Variants in GK observed in about 807,000 individuals in gnomAD.
The protein encoded by GK is ATP:glycerol 3-phosphotransferase.
GK carries 9 observed loss-of-function variants against 56.4 expected under a neutral mutation model. That is an observed-to-expected ratio of 0.16 (90% CI 0.10 to 0.28). The LOEUF is 0.28. Among genes scored for constraint, GK ranks in the 10% least tolerant of loss-of-function variants. GK has a pLI of 1.00. For synonymous variants in GK, 104 were observed against 144.1 expected (o/e 0.72, Z 1.99); for missense variants, 161 against 431.4 (o/e 0.37, Z 5.55).
At chrX:30,696,975 T>G (rs1935281675) in intron 8 of GK, among the ~76,000 whole-genome samples, 1 of 112,858 alleles carries the variant, frequency 8.9e-6, no homozygotes, top group African/African-American at 3.2e-5. Flanking sequence ...CAAATAACTG[T>G]TTAGTGGTTG....
chrX:30,719,906 T>C (rs1936819691), intron 15 of GK, 105 bp from the exon 16 acceptor site: 1 of 560,784 alleles, frequency 1.8e-6, no homozygotes, highest in African/African-American at 2.3e-5. Context: ...AATTTTCTCT[T>C]CCTGGACATT....
Position 30,678,100 on chromosome X carries a change from G to A in GK, c.337+648G>A, listed in dbSNP as rs1281596489. The A allele has an allele frequency of 2.2e-5, 11 of 509,992 alleles. No individual in the cohort carries two copies. In the East Asian group the frequency reaches 2.5e-4, roughly 12 times the overall value. 42.0% of individuals were successfully genotyped at this position (509,992 alleles called of 1,213,427 possible). The stretch of plus-strand genomic sequence containing the variant: ...CTTACCCTCAAAAAATTAAAATTAC[G>A]TGTGTTCACAGTCATTTTTCTATAA... On this transcript the variant is annotated intron_variant, in intron 4 of 20. Coordinates refer to ENST00000427190, the MANE Select transcript of GK (RefSeq NM_001205019.2).
chrX:30,728,570 A>G (rs950317570), intron 20 of GK, among the ~76,000 whole-genome samples, 162 bp from the exon 21 acceptor site: 1 of 112,087 alleles, frequency 8.9e-6, no homozygotes, highest in Non-Finnish European at 1.9e-5. Flanking sequence ...ATATTTGTTA[A>G]TTTTGGAATT....
chrX:30,697,116 C>A (rs1935288558), intron 8 of GK, among the ~76,000 whole-genome samples: 1 of 112,652 alleles, frequency 8.9e-6, no homozygotes, highest in Non-Finnish European at 1.9e-5. Context: ...AGCAAAGAAA[C>A]TGAAAGCAAA....
At chrX:30,682,847 T>C (rs1934354792) in intron 4 of GK, among the ~76,000 whole-genome samples, 1 of 111,844 alleles carries the variant, frequency 8.9e-6, no homozygotes, top group African/African-American at 3.2e-5. Context: ...ATCTGGTGTC[T>C]AGTGAGGACC....
At chrX:30,712,217 C>T (rs1309292892) in intron 13 of GK, among the ~76,000 whole-genome samples, 14 of 111,647 alleles carry the variant, frequency 1.3e-4, no homozygotes, top group Non-Finnish European at 2.4e-4. Context: ...TGATGACATT[C>T]GAGTTGTTTT....
At chrX:30,682,757 A>G (rs1046606626) in intron 4 of GK, among the ~76,000 whole-genome samples, 1 of 111,662 alleles carries the variant, frequency 9.0e-6, no homozygotes, top group African/African-American at 3.3e-5. Context: ...CAAAAATATC[A>G]TAGACTGGGT....
At chrX:30,696,264 C>A in intron 7 of GK, 113 bp downstream of exon 7, 1 of 522,916 alleles carries the variant, frequency 1.9e-6, no homozygotes, top group Non-Finnish European at 3.4e-6. Context: ...GTTGATATTT[C>A]AACTACAATA....
intron 11 of GK, among the ~76,000 whole-genome samples, chrX:30,703,770 G>A (rs1042688252): frequency 9.1e-6 from 1 of 110,416 alleles, no homozygotes; most frequent in Admixed American, 9.7e-5. Flanking sequence ...AGACCAGTCT[G>A]GCCATCATGG....
At chrX:30,660,306 A>G (rs1405660813) in intron 1 of GK, among the ~76,000 whole-genome samples, 1 of 110,612 alleles carries the variant, frequency 9.0e-6, no homozygotes, top group Non-Finnish European at 1.9e-5. Context: ...TTCTCATTCT[A>G]TGTTCACTTT....
In GK at chrX:30,677,355, G is replaced by C. The variant is rs752251308; in HGVS notation, c.260-20G>C. The C allele has an allele frequency of 7.9e-6, 8 of 1,009,869 alleles. No individual in the cohort carries two copies. The Admixed American group carries it at 1.8e-4, about 22-fold the overall frequency. 83.2% of individuals were successfully genotyped at this position (1,009,869 alleles called of 1,213,427 possible). A position where few individuals can be genotyped will look rare whatever the true frequency, so the allele number is the denominator to read the frequency against. On this transcript the variant is annotated intron_variant, in intron 3 of 20. Coordinates refer to ENST00000427190, the MANE Select transcript of GK (RefSeq NM_001205019.2). ...CTTGTTAAATTTTTGACTTCCTTCT[G>C]TTTAACTTTCTCTTTAAAGCTATTG...
chrX:30,707,266 G>A (rs1936062881), intron 11 of GK, among the ~76,000 whole-genome samples: 1 of 106,912 alleles, frequency 9.4e-6, no homozygotes. Context: ...GGAGGCGGAG[G>A]TTGCAATGAG....
At chrX:30,674,577 T>C (rs190534470) in intron 3 of GK, 1 of 200,310 alleles carries the variant, frequency 5.0e-6, no homozygotes, top group East Asian at 1.2e-4. Flanking sequence ...TTTATAAACA[T>C]TTTTGTCTTA....
intron 4 of GK, among the ~76,000 whole-genome samples, chrX:30,684,671 A>C (rs1934491132): frequency 5.3e-5 from 1 of 18,840 alleles, no homozygotes; most frequent in Non-Finnish European, 1.1e-4. Flanking sequence ...CATCTCAAAA[A>C]AAAAAAAAAA....
In GK at chrX:30,671,232, A is replaced by C. The variant is rs755166326; in HGVS notation, c.259+3114A>C. ...CTTGAACCTGGGAGGCAGAAGTTGC[A>C]GTGAGCCGAGATGGCGCCATTGCAC... On this transcript the variant is annotated intron_variant, in intron 3 of 20. Coordinates refer to ENST00000427190, the MANE Select transcript of GK (RefSeq NM_001205019.2). Among the ~76,000 whole-genome samples, 9 of 97,746 alleles carry C rather than the reference A, an allele frequency of 9.2e-5. No individual in the cohort carries two copies. In the East Asian group the frequency reaches 1.4e-3, roughly 15 times the overall value. 84.9% of individuals were successfully genotyped at this position (97,746 alleles called of 115,157 possible).
At position 30,653,465 on chromosome X, in the gene GK, C is replaced by T. The variant is rs1034744078; in HGVS notation, c.-73C>T. 152 of 944,419 alleles carry T rather than the reference C, an allele frequency of 1.6e-4. 1 individual carries two copies. The African/African-American group carries it at 2.7e-3, about 17-fold the overall frequency. The allele number at this position is 944,419 out of a possible 1,213,427, so 77.8% of individuals were successfully genotyped here. ...GCGGCCTCGATCTCTGGACTCGTCA[C>T]CTGCCCCTCCCCCTCCCGCCGCCGT... On this transcript the variant is annotated 5_prime_UTR_variant, in exon 1 of 21. Transcript: ENST00000427190.
intron 1 of GK, among the ~76,000 whole-genome samples, chrX:30,656,335 A>T (rs59329768): frequency 0.01 from 1,136 of 112,515 alleles, 11 homozygotes; most frequent in African/African-American, 0.035. Context: ...AAAATTAAAG[A>T]TATTTAAGTA....
chrX:30,669,404 G>A (rs187472752), intron 3 of GK, among the ~76,000 whole-genome samples: 1,768 of 110,319 alleles, frequency 0.016, 26 homozygotes, highest in Middle Eastern at 0.037. Flanking sequence ...GGCTGGTCTC[G>A]AACTCCTGAC....
At chrX:30,715,253 C>T in intron 13 of GK, among the ~76,000 whole-genome samples, 1 of 111,957 alleles carries the variant, frequency 8.9e-6, no homozygotes, top group Non-Finnish European at 1.9e-5. Context: ...TGTCAAGGAG[C>T]TTTTGAAGAA....
Sources: gnomAD v4.1 joint callset for allele counts (sites outside exome capture counted in the v4.1 genomes callset) on GRCh38, gnomAD v4.1.1 for gene constraint, MANE v1.5 for transcripts, NCBI Gene and HGNC (gene_info 2026-07-23, HGNC 2026-07-21) for gene names.